Variants in CERS6 observed in about 807,000 individuals in gnomAD.
The protein encoded by CERS6 is LAG1 homolog, ceramide synthase 6.
Under a neutral mutation model 56.8 loss-of-function variants are expected in CERS6, and 26 were observed. The ratio of observed to expected loss-of-function variants is 0.46; its 90% CI spans 0.34 to 0.63. The LOEUF is 0.63. CERS6 is among the 30% of genes least tolerant of loss of function. The probability of loss-of-function intolerance (pLI) is 0.01; values close to 1 mark genes in which losing one functional copy is unlikely to be tolerated. For missense variants in CERS6, 415 were observed against 467.5 expected (o/e 0.89, Z 1.04); for synonymous variants, 164 against 173.3 (o/e 0.95, Z 0.42).
intron 1 of CERS6, among the ~76,000 whole-genome samples, chr2:168,493,458 T>C (rs1316431972): frequency 6.6e-6 from 1 of 152,182 alleles, no homozygotes; most frequent in Non-Finnish European, 1.5e-5. Flanking sequence ...GCTGAGGCAG[T>C]CTGAGTCCAG....
chr2:168,730,718 T>C (rs1683504507), intron 8 of CERS6, among the ~76,000 whole-genome samples: 2 of 151,904 alleles, frequency 1.3e-5, no homozygotes, highest in African/African-American at 4.9e-5. Context: ...AAGTACTTTT[T>C]TGAAAGGACG....
In CERS6 at chr2:168,654,808, CT is replaced by C. The variant is rs1020404996; in HGVS notation, c.465+23770del. On this transcript the variant is annotated intron_variant, in intron 4 of 9. Coordinates refer to ENST00000305747, the MANE Select transcript of CERS6 (RefSeq NM_203463.3). The stretch of plus-strand genomic sequence containing the variant: ...TCTCATGGTTTTATAGAACACTTAA[CT>C]TTTACAACAAGGCAATATAGTCTTA... Among the ~76,000 whole-genome samples the C allele has an allele frequency of 1.4e-4, 22 of 152,290 alleles. 2 individuals are homozygous for C. The highest frequency in any genetic ancestry group is 5.3e-4 in the African/African-American group (22 of 41,562).
At chr2:168,596,538 G>A (rs956818822) in intron 3 of CERS6, among the ~76,000 whole-genome samples, 3 of 148,878 alleles carry the variant, frequency 2.0e-5, no homozygotes, top group Non-Finnish European at 4.4e-5. Context: ...CATTGTTTCA[G>A]GGCCCCATCC....
In CERS6 at chr2:168,631,015, T is replaced by G. The variant is rs775351309; in HGVS notation, c.438T>G (p.Phe146Leu). 2.5e-5 allele frequency: 39 copies of G among 1,536,802 alleles called. No homozygotes were observed. The highest frequency in any genetic ancestry group is 3.3e-5 in the Non-Finnish European group (37 of 1,126,878). Residue 146 changes from phenylalanine to leucine, a missense_variant, in exon 4 of 10, where the codon TTT becomes TTG. Phe to Leu is a conservative substitution (Grantham distance 22). Transcript: ENST00000305747. Reference protein sequence around the residue: ...MWRFSFYLYVFTYGVRFLKKT... With the variant: ...MWRFSFYLYVLTYGVRFLKKT... ...GATTTTCATTTTACCTTTATGTATTTACCTACGGAGTCAGATTCCTGAAAA... is the reference window on the plus strand; with the variant it reads ...GATTTTCATTTTACCTTTATGTATTGACCTACGGAGTCAGATTCCTGAAAA...
At chr2:168,705,904 TTGAG>T (rs981611643) in intron 6 of CERS6, among the ~76,000 whole-genome samples, 1 of 152,058 alleles carries the variant, frequency 6.6e-6, no homozygotes, top group African/African-American at 2.4e-5. Flanking sequence ...GACTGTTAGG[TTGAG>T]TATGTTTTAA....
intron 6 of CERS6, among the ~76,000 whole-genome samples, chr2:168,709,581 C>T (rs1184287117): frequency 2.0e-5 from 3 of 152,110 alleles, no homozygotes; most frequent in South Asian, 4.1e-4. Flanking sequence ...AAGTAAAGCA[C>T]GTGTCCACGC....
Position 168,587,401 on chromosome 2 carries a change from A to T in CERS6, c.407+26079A>T, listed in dbSNP as rs370535072. The stretch of plus-strand genomic sequence containing the variant: ...ACAGGGTAGCATACCAAGTGGTATG[A>T]CATGATTATTTTGATGATGTGTTGG... On this transcript the variant is annotated intron_variant, in intron 3 of 9. Transcript: ENST00000305747. Among the ~76,000 whole-genome samples the T allele has an allele frequency of 1.8e-4, 27 of 152,276 alleles. No homozygotes were observed. The East Asian group carries it at 2.9e-3, about 16-fold the overall frequency.
At chr2:168,492,947 G>C (rs2105339834) in intron 1 of CERS6, among the ~76,000 whole-genome samples, 1 of 152,178 alleles carries the variant, frequency 6.6e-6, no homozygotes, top group African/African-American at 2.4e-5. Context: ...TATACAATGA[G>C]TGTTAAAATT....
chr2:168,666,219 A>G (rs1411964547), intron 4 of CERS6, among the ~76,000 whole-genome samples: 4 of 152,132 alleles, frequency 2.6e-5, no homozygotes, highest in East Asian at 3.8e-4. Flanking sequence ...TGTATATTCT[A>G]TGGATCTGGA....
At chr2:168,523,710 T>C (rs528280692) in intron 1 of CERS6, among the ~76,000 whole-genome samples, 1 of 152,126 alleles carries the variant, frequency 6.6e-6, no homozygotes, top group Admixed American at 6.5e-5. Context: ...GAGAGAGGCG[T>C]GGAGGTTCAA....
At chr2:168,544,568 A>G (rs1195026773) in intron 1 of CERS6, among the ~76,000 whole-genome samples, 4 of 152,062 alleles carry the variant, frequency 2.6e-5, no homozygotes, top group Non-Finnish European at 4.4e-5. Flanking sequence ...TCTGGGGGTC[A>G]TTGGGTTGGA....
intron 3 of CERS6, among the ~76,000 whole-genome samples, chr2:168,580,253 T>C (rs1178858258): frequency 6.6e-6 from 1 of 152,224 alleles, no homozygotes; most frequent in Non-Finnish European, 1.5e-5. Flanking sequence ...CTTTTACATC[T>C]TCATCTTGTT....
chr2:168,623,860 T>G (rs1175243044), intron 3 of CERS6, among the ~76,000 whole-genome samples: 1 of 152,180 alleles, frequency 6.6e-6, no homozygotes, highest in Non-Finnish European at 1.5e-5. Context: ...GATGGAGACC[T>G]GGTGTGAAAA....
rs552483181 is a variant in CERS6, at chr2:168,746,305, T to C, written c.846-19287T>C. Among the ~76,000 whole-genome samples, 53 of 152,218 alleles carry C rather than the reference T, an allele frequency of 3.5e-4. 1 individual carries two copies. The highest frequency in any genetic ancestry group is 5.7e-4 in the Non-Finnish European group (39 of 68,040). ...ACGGAATCTAAACAATTTGGGTTCT[T>C]TATGAAAGGGGTTTTCTTTTAGAAT... On this transcript the variant is annotated intron_variant, in intron 8 of 9. Coordinates refer to ENST00000305747, the MANE Select transcript of CERS6 (RefSeq NM_203463.3).
chr2:168,718,467 G>A (rs73028483), intron 8 of CERS6, among the ~76,000 whole-genome samples: 2,051 of 152,262 alleles, frequency 0.013, 55 homozygotes, highest in African/African-American at 0.047. Context: ...CTGGCAATGT[G>A]TTTTAATAAG....
At chr2:168,555,367 GCT>G (rs1211046799) in intron 2 of CERS6, among the ~76,000 whole-genome samples, 5 of 151,850 alleles carry the variant, frequency 3.3e-5, no homozygotes, top group Non-Finnish European at 7.4e-5. Context: ...CTGCAAAAGT[GCT>G]CATTGAAAAC....
At chr2:168,614,366 T>C (rs1684265821) in intron 3 of CERS6, among the ~76,000 whole-genome samples, 1 of 152,210 alleles carries the variant, frequency 6.6e-6, no homozygotes, top group South Asian at 2.1e-4. Context: ...AACTTAAAAC[T>C]CCAGGAGATG....
At chr2:168,657,254 T>C (rs546918262) in intron 4 of CERS6, among the ~76,000 whole-genome samples, 52 of 151,250 alleles carry the variant, frequency 3.4e-4, no homozygotes, top group Non-Finnish European at 5.3e-4. Context: ...TACAGAGTGT[T>C]GATTGGTGCA....
chr2:168,618,489 C>G (rs1167585820), intron 3 of CERS6, among the ~76,000 whole-genome samples: 4 of 152,088 alleles, frequency 2.6e-5, no homozygotes, highest in African/African-American at 9.7e-5. Flanking sequence ...ACCCTAAAGA[C>G]TCCTCCAAAA....
Sources: gnomAD v4.1 joint callset for allele counts (sites outside exome capture counted in the v4.1 genomes callset) on GRCh38, gnomAD v4.1.1 for gene constraint, MANE v1.5 for transcripts, NCBI Gene and HGNC (gene_info 2026-07-23, HGNC 2026-07-21) for gene names.